Variants in CTBP2 observed in about 807,000 individuals in gnomAD.
CTBP2 encodes C-terminal-binding protein 2.
Under a neutral mutation model 80.3 loss-of-function variants are expected in CTBP2, and 30 were observed. The ratio of observed to expected loss-of-function variants is 0.37; its 90% confidence interval spans 0.28 to 0.51. The LOEUF (loss-of-function observed/expected upper bound fraction) is 0.51. Among genes scored for constraint, CTBP2 ranks in the 20% least tolerant of loss-of-function variants. The pLI is 0.93. For synonymous variants in CTBP2, 594 were observed against 587.4 expected (o/e 1.01, Z -0.16); for missense variants, 1,212 against 1,375.3 (o/e 0.88, Z 1.88).
intron 2 of CTBP2, among the ~76,000 whole-genome samples, chr10:125,062,287 T>G (rs560062684): frequency 6.6e-6 from 1 of 152,292 alleles, no homozygotes; most frequent in South Asian, 2.1e-4. Context: ...AGTCCTTTTA[T>G]TTTAGGAAAA....
At chr10:125,015,427 C>T (rs968112902) in intron 1 of CTBP2, among the ~76,000 whole-genome samples, 2 of 152,248 alleles carry the variant, frequency 1.3e-5, no homozygotes, top group African/African-American at 2.4e-5. Context: ...GGAAACGTGA[C>T]GTCTGTTTTT....
chr10:125,134,716 C>T (rs1380467261), intron 1 of CTBP2, among the ~76,000 whole-genome samples: 1 of 152,136 alleles, frequency 6.6e-6, no homozygotes, highest in Non-Finnish European at 1.5e-5. Context: ...AAGCGCCCAG[C>T]ACCCTGGGCC....
intron 4 of CTBP2, chr10:124,995,970 C>G (rs910810439): frequency 6.6e-6 from 1 of 152,192 alleles, no homozygotes; most frequent in East Asian, 1.9e-4. Context: ...CTCTGCAGAT[C>G]CAGGGCCTGG....
chr10:125,011,127 T>C (rs568067616), intron 1 of CTBP2, among the ~76,000 whole-genome samples: 2 of 152,350 alleles, frequency 1.3e-5, no homozygotes, highest in Non-Finnish European at 2.9e-5. Flanking sequence ...CCAGGGGCTG[T>C]GCTGTTTGGG....
chr10:124,994,098 G>A (rs1361688319), intron 5 of CTBP2, 113 bp from the exon 8 acceptor site: 17 of 1,425,648 alleles, frequency 1.2e-5, no homozygotes, highest in East Asian at 1.1e-4. Flanking sequence ...GTGGTTTAAT[G>A]TGTGTGCTGC....
At chr10:125,021,607 C>T (rs1957045871) in intron 1 of CTBP2, among the ~76,000 whole-genome samples, 1 of 152,158 alleles carries the variant, frequency 6.6e-6, no homozygotes, top group Non-Finnish European at 1.5e-5. Flanking sequence ...GGGATGATCA[C>T]TGCTGTTCTG....
chr10:124,984,974 G>T lies in CTBP2; in HGVS notation c.*4544C>A, dbSNP rs570770932. Reference sequence around the variant, plus strand: ...CCCTGTCTGATGGAGAGGAAGATGAGGATGATGAAGATGAATGAAAAAAAA... The same window carrying T: ...CCCTGTCTGATGGAGAGGAAGATGATGATGATGAAGATGAATGAAAAAAAA... On this transcript the variant is annotated 3_prime_UTR_variant, in exon 9 of 9. Coordinates refer to ENST00000309035, the MANE Select transcript of CTBP2 (RefSeq NM_022802.3). The T allele has an allele frequency of 1.2e-6, 2 of 1,612,018 alleles. No homozygotes were observed. The highest frequency in any genetic ancestry group is 1.7e-6 in the Non-Finnish European group (2 of 1,179,034).
chr10:125,005,507 A>G, intron 1 of CTBP2: 1 of 1,566,254 alleles, frequency 6.4e-7, no homozygotes, highest in East Asian at 2.3e-5. Flanking sequence ...GGAGGGGGAA[A>G]ATAAGGCAGG....
chr10:125,023,505 C>T (rs148772457), intron 1 of CTBP2, among the ~76,000 whole-genome samples: 2 of 152,324 alleles, frequency 1.3e-5, no homozygotes, highest in Non-Finnish European at 2.9e-5. Context: ...GAGGGCTCCG[C>T]GACTTGTGCC....
At chr10:125,014,209 C>T (rs532783132) in intron 1 of CTBP2, among the ~76,000 whole-genome samples, 6 of 152,356 alleles carry the variant, frequency 3.9e-5, no homozygotes, top group South Asian at 4.1e-4. Flanking sequence ...GTCCTCCTCA[C>T]GGTGTCCTAT....
intron 2 of CTBP2, among the ~76,000 whole-genome samples, chr10:125,073,001 A>G (rs765385602): frequency 1.3e-5 from 2 of 152,340 alleles, no homozygotes; most frequent in Non-Finnish European, 2.9e-5. Context: ...CAGAATGGCA[A>G]ACAGCTGAGA....
At chr10:125,032,912 A>G (rs1958410579), upstream of CTBP2, 1 of 154,734 alleles carries the variant, frequency 6.5e-6, no homozygotes, top group South Asian at 2.0e-4. Context: ...GCACTAAGCT[A>G]GGCAAAGCAC....
intron 2 of CTBP2, among the ~76,000 whole-genome samples, chr10:125,062,824 C>T (rs972954814): frequency 1.3e-5 from 2 of 152,238 alleles, no homozygotes; most frequent in Non-Finnish European, 2.9e-5. Flanking sequence ...GATTGCGCCA[C>T]TGGGCGCCTG....
chr10:124,995,610 G>C (rs923952298), intron 4 of CTBP2, among the ~76,000 whole-genome samples: 1 of 152,208 alleles, frequency 6.6e-6, no homozygotes, highest in African/African-American at 2.4e-5. Flanking sequence ...TCCTGCAGCA[G>C]CTCCATCTAA....
chr10:125,092,513 C>T (rs760126507), intron 2 of CTBP2, among the ~76,000 whole-genome samples: 1 of 152,216 alleles, frequency 6.6e-6, no homozygotes, highest in Non-Finnish European at 1.5e-5. Flanking sequence ...TGGATTACTT[C>T]ATAGTCACAA....
chr10:124,998,670 TA>T (rs907757637), intron 3 of CTBP2: 30 of 170,540 alleles, frequency 1.8e-4, no homozygotes, highest in Admixed American at 2.2e-4. Flanking sequence ...ATACTGGTTT[TA>T]AAAAAACACC....
intron 2 of CTBP2, among the ~76,000 whole-genome samples, chr10:125,047,140 G>A (rs556011969): frequency 6.6e-6 from 1 of 151,952 alleles, no homozygotes; most frequent in South Asian, 2.1e-4. Flanking sequence ...AGTTTTAATA[G>A]TGTTATTTAA....
At chr10:125,148,602 A>G (rs958527167) in intron 1 of CTBP2, among the ~76,000 whole-genome samples, 2 of 152,246 alleles carry the variant, frequency 1.3e-5, no homozygotes, top group African/African-American at 4.8e-5. Flanking sequence ...CCAAAAGCAC[A>G]ACTGGGTTGA....
In CTBP2 at chr10:125,048,962, T is replaced by C. The variant is rs374894608; in HGVS notation, c.-101-9807A>G. On this transcript the variant is annotated intron_variant, in intron 2 of 10. Coordinates refer to the CTBP2 transcript ENST00000337195. ...ACACTAATTTAGAAAGGAAAGGAGA[T>C]TTTTCCAACTTTCCCCAGGAATTGA... is the stretch of plus-strand genomic sequence containing the variant. Among the ~76,000 whole-genome samples, 8 of 151,656 alleles carry C rather than the reference T, an allele frequency of 5.3e-5. No homozygotes were observed. In the East Asian group the frequency reaches 7.8e-4, roughly 15 times the overall value.
Sources: allele counts gnomAD v4.1 joint callset (sites outside exome capture counted in the v4.1 genomes callset), GRCh38; gene constraint gnomAD v4.1.1; transcripts MANE v1.5; gene names NCBI Gene and HGNC (gene_info 2026-07-23, HGNC 2026-07-21).